ZNF346: variants seen among roughly 807,000 people sequenced by gnomAD.
ZNF346 encodes the protein double-stranded RNA-binding zinc finger protein JAZ.
ZNF346 carries 23 observed loss-of-function variants against 33.7 expected under a neutral mutation model. The ratio of observed to expected loss-of-function variants is 0.68; its 90% confidence interval spans 0.49 to 0.97. The LOEUF (loss-of-function observed/expected upper bound fraction) is 0.97, where lower values mean the gene tolerates loss of function less well. Ranked by LOEUF, ZNF346 falls within the 50% of genes least tolerant of loss-of-function variation. The pLI is 0.00. For missense variants in ZNF346, 340 were observed against 371.1 expected, an observed-to-expected ratio of 0.92 and a Z score of 0.69; for synonymous variants, 134 against 142.4, an observed-to-expected ratio of 0.94 and a Z score of 0.42.
At position 177,044,383 on chromosome 5, in the gene ZNF346, A is replaced by T; in HGVS notation, c.373-6A>T. 4.3e-6 allele frequency: 7 copies of T among 1,614,058 alleles called. No individual in the cohort carries two copies. The South Asian group carries it at 7.7e-5, about 18-fold the overall frequency. ...TGATCAGACCTGTGTTCTTTCTTCCAACCAGAAGAGCAGCAGAAGCAAAGA... is the reference window on the plus strand; with the variant it reads ...TGATCAGACCTGTGTTCTTTCTTCCTACCAGAAGAGCAGCAGAAGCAAAGA... On this transcript the variant is annotated splice_region_variant and splice_polypyrimidine_tract_variant and intron_variant, in intron 3 of 6. Coordinates refer to ENST00000358149, the MANE Select transcript of ZNF346 (RefSeq NM_012279.4).
At chr5:177,024,155 T>TAC (rs1265518619) in intron 1 of ZNF346, among the ~76,000 whole-genome samples, 5 of 16,602 alleles carry the variant, frequency 3.0e-4, no homozygotes, top group African/African-American at 2.2e-3. Flanking sequence ...GTATTTTATG[T>TAC]ATACACACAC....
intron 6 of ZNF346, among the ~76,000 whole-genome samples, chr5:177,062,792 ATCCT>A (rs1003509112): frequency 8.5e-5 from 13 of 152,302 alleles, no homozygotes; most frequent in African/African-American, 3.1e-4. Context: ...TTCTCAGGTA[ATCCT>A]TCCAACCCTG....
chr5:177,055,882 T>C (rs1781603232), intron 5 of ZNF346, among the ~76,000 whole-genome samples: 1 of 151,700 alleles, frequency 6.6e-6, no homozygotes. Flanking sequence ...TGGAGACCAG[T>C]CTGACCAACA....
At chr5:177,037,538 T>C (rs573771344) in intron 1 of ZNF346, among the ~76,000 whole-genome samples, 79 of 152,250 alleles carry the variant, frequency 5.2e-4, no homozygotes, top group African/African-American at 1.9e-3. Context: ...AACCTAGGAG[T>C]TATCCTTGAC....
At chr5:177,054,135 C>T (rs1300617268) in intron 5 of ZNF346, among the ~76,000 whole-genome samples, 2 of 149,518 alleles carry the variant, frequency 1.3e-5, no homozygotes, top group African/African-American at 4.9e-5. Context: ...GTGCAGTGCA[C>T]AATTATGGCT....
intron 5 of ZNF346, among the ~76,000 whole-genome samples, chr5:177,057,788 A>G (rs1781913746): frequency 7.0e-6 from 1 of 143,254 alleles, no homozygotes; most frequent in Non-Finnish European, 1.5e-5. Context: ...CTCTGAGGTC[A>G]TAGATTTTCT....
intron 8 of ZNF346, among the ~76,000 whole-genome samples, chr5:177,074,299 T>G (rs1478691620): frequency 6.6e-6 from 1 of 152,138 alleles, no homozygotes; most frequent in Non-Finnish European, 1.5e-5. Flanking sequence ...GTAGTCCGGG[T>G]GGGGAAGACC....
chr5:177,042,915 G>A (rs974469572), intron 3 of ZNF346, among the ~76,000 whole-genome samples: 3 of 152,008 alleles, frequency 2.0e-5, no homozygotes, highest in Admixed American at 6.6e-5. Context: ...GCAGTGGCAC[G>A]ATCTCAGCTC....
At chr5:177,057,752 G>A (rs1781901967) in intron 5 of ZNF346, among the ~76,000 whole-genome samples, 1 of 149,276 alleles carries the variant, frequency 6.7e-6, no homozygotes, top group South Asian at 2.1e-4. Context: ...AAAAAAAAAA[G>A]AAAAATCAGG....
At position 177,064,810 on chromosome 5, in the gene ZNF346, G is replaced by A. The variant is rs776711375; in HGVS notation, c.*211G>A. The A allele has an allele frequency of 1.7e-6, 1 of 573,996 alleles. No homozygotes were observed. The highest frequency in any genetic ancestry group is 2.2e-5 in the South Asian group (1 of 45,436). The allele number at this position is 573,996 out of a possible 1,614,324, so 35.6% of individuals were successfully genotyped here. A position where few individuals can be genotyped will look rare whatever the true frequency, so the allele number is the denominator to read the frequency against. On this transcript the variant is annotated 3_prime_UTR_variant, in exon 7 of 7. Coordinates refer to ENST00000358149, the MANE Select transcript of ZNF346 (RefSeq NM_012279.4). ...GGGTCCTGTAGGTCATGACAGGGGA[G>A]GCAAGGGTATTGAGAGACTCGGGGT... is the stretch of plus-strand genomic sequence containing the variant.
chr5:177,068,411 G>T (rs776229295), downstream of ZNF346, among the ~76,000 whole-genome samples: 1 of 144,136 alleles, frequency 6.9e-6, no homozygotes, highest in Non-Finnish European at 1.5e-5. Context: ...ACTCGGAGAT[G>T]GTCTCATCAG....
At chr5:177,054,714 A>G (rs1270348062) in intron 5 of ZNF346, among the ~76,000 whole-genome samples, 1 of 151,950 alleles carries the variant, frequency 6.6e-6, no homozygotes, top group Non-Finnish European at 1.5e-5. Context: ...TTTTTATTTC[A>G]TATTTTTGGA....
chr5:177,066,596 G>A lies in ZNF346; in HGVS notation c.*1997G>A, dbSNP rs566140055. On this transcript the variant is annotated 3_prime_UTR_variant, in exon 7 of 7. Coordinates refer to ENST00000358149, the MANE Select transcript of ZNF346 (RefSeq NM_012279.4). ...GAGAAGGAGTGTTATGGCCAGGTGC[G>A]GCGTCATGCACCTATAGTCCCAGCT... 7.9e-5 allele frequency among the ~76,000 whole-genome samples: 12 copies of A among 152,020 alleles called. No homozygotes were observed. In the South Asian group the frequency reaches 2.3e-3, roughly 29 times the overall value.
intron 1 of ZNF346, among the ~76,000 whole-genome samples, chr5:177,030,637 G>A (rs957344569): frequency 4.6e-5 from 7 of 151,892 alleles, no homozygotes; most frequent in South Asian, 2.1e-4. Context: ...CTTTATTGAC[G>A]TAAATCTCAC....
intron 5 of ZNF346, among the ~76,000 whole-genome samples, chr5:177,056,262 C>T (rs1436863741): frequency 6.6e-6 from 1 of 151,976 alleles, no homozygotes; most frequent in African/African-American, 2.4e-5. Context: ...TCTAAAAAGC[C>T]AGGAAACTAC....
intron 1 of ZNF346, among the ~76,000 whole-genome samples, chr5:177,029,686 G>A (rs895253451): frequency 6.6e-6 from 1 of 152,206 alleles, no homozygotes; most frequent in Non-Finnish European, 1.5e-5. Flanking sequence ...ACAAGTAGGC[G>A]GTTTGACCTT....
intron 8 of ZNF346, among the ~76,000 whole-genome samples, chr5:177,073,828 A>AGGGGGGGGGGG (rs34734185): frequency 2.9e-5 from 2 of 69,104 alleles, no homozygotes; most frequent in Admixed American, 1.5e-4. Context: ...CGGGCGGGGG[A>AGGGGGGGGGGG]GGGGGGGGGT....
intron 8 of ZNF346, among the ~76,000 whole-genome samples, chr5:177,073,601 G>T (rs1265650062): frequency 6.6e-6 from 1 of 152,180 alleles, no homozygotes; most frequent in East Asian, 1.9e-4. Context: ...ACCGCACCTG[G>T]CCGGAAAGAC....
intron 8 of ZNF346, among the ~76,000 whole-genome samples, chr5:177,078,710 G>C (rs1463069623): frequency 6.6e-6 from 1 of 152,130 alleles, no homozygotes; most frequent in African/African-American, 2.4e-5. Flanking sequence ...CCAGGAGTTC[G>C]AGACCAGCCT....
Sources: gnomAD v4.1 joint callset for allele counts (sites outside exome capture counted in the v4.1 genomes callset) on GRCh38, gnomAD v4.1.1 for gene constraint, MANE v1.5 for transcripts, NCBI Gene and HGNC (gene_info 2026-07-23, HGNC 2026-07-21) for gene names.